Variants in RAB2A observed in about 807,000 individuals in gnomAD.
The protein encoded by RAB2A is ras-related protein Rab-2A.
In RAB2A, 7 loss-of-function variants were observed where a neutral mutation model predicts 32.5. The observed-to-expected ratio is 0.22, with a 90% confidence interval of 0.12 to 0.40. The LOEUF (loss-of-function observed/expected upper bound fraction) is 0.40, where lower values mean the gene tolerates loss of function less well. Ranked by LOEUF, RAB2A falls within the 10% of genes least tolerant of loss-of-function variation. The pLI, the probability that RAB2A is intolerant of heterozygous loss-of-function variation, is 1.00. For missense variants in RAB2A, 108 were observed against 260.7 expected, an observed-to-expected ratio of 0.41 and a Z score of 4.03; for synonymous variants, 79 against 85.2, an observed-to-expected ratio of 0.93 and a Z score of 0.40.
rs1328541490 is a variant in RAB2A at position 60,605,832 on chromosome 8, C to CATATATAT, written c.475-12741_475-12740insTATATATA. ...GGCTCATAGGCAAAAGGGACTAATA[C>CATATATAT]ATATATACATATATATATATAATGC... On this transcript the variant is annotated intron_variant, in intron 6 of 7. Coordinates refer to ENST00000262646, the MANE Select transcript of RAB2A (RefSeq NM_002865.3). Among the ~76,000 whole-genome samples the CATATATAT allele has an allele frequency of 5.0e-3, 603 of 120,792 alleles. 34 individuals carry two copies. In the South Asian group the frequency reaches 0.055, roughly 11 times the overall value. The allele number at this position is 120,792 out of a possible 152,430, so 79.2% of individuals were successfully genotyped here.
chr8:60,616,911 G>C (rs1365731391), intron 6 of RAB2A, among the ~76,000 whole-genome samples: 1 of 152,188 alleles, frequency 6.6e-6, no homozygotes, highest in Admixed American at 6.5e-5. Context: ...GGAAACAAAA[G>C]CTCTGATGGC....
At chr8:60,578,934 A>G (rs1803687623) in intron 3 of RAB2A, among the ~76,000 whole-genome samples, 1 of 152,270 alleles carries the variant, frequency 6.6e-6, no homozygotes, top group Non-Finnish European at 1.5e-5. Flanking sequence ...TGACTTTAAT[A>G]TTAAGCATCA....
intron 1 of RAB2A, 183 bp from the exon 2 acceptor site, chr8:60,558,669 G>C: frequency 1.6e-6 from 1 of 641,262 alleles, no homozygotes; most frequent in Non-Finnish European, 2.8e-6. Context: ...CTTTAGATTG[G>C]TTTACAGCTT....
intron 6 of RAB2A, among the ~76,000 whole-genome samples, chr8:60,611,883 T>G (rs1472142374): frequency 6.6e-6 from 1 of 152,236 alleles, no homozygotes; most frequent in Non-Finnish European, 1.5e-5. Context: ...TTTTTAAAAC[T>G]ATTAAGTTTA....
In RAB2A at chr8:60,519,078, A is replaced by G. The variant is rs113223963; in HGVS notation, c.46+1825A>G. The stretch of plus-strand genomic sequence containing the variant: ...CTTATCCAAAAGCAGTCCCCACGCA[A>G]TTCAAAGGGAAGACACTTCTTTCTT... On this transcript the variant is annotated intron_variant, in intron 1 of 7. Transcript: ENST00000262646. 2.5e-3 allele frequency among the ~76,000 whole-genome samples: 386 copies of G among 152,300 alleles called. 1 individual carries two copies. The highest frequency in any genetic ancestry group is 3.1e-3 in the Non-Finnish European group (212 of 68,030).
At chr8:60,517,391 T>C (rs1807223005) in intron 1 of RAB2A, 138 bp downstream of exon 1, 3 of 800,936 alleles carry the variant, frequency 3.7e-6, no homozygotes, top group Middle Eastern at 4.1e-4. Flanking sequence ...ATTTCCGCAG[T>C]GCTGGAGCTG....
chr8:60,541,950 TTAAA>T (rs1388589730), intron 1 of RAB2A, among the ~76,000 whole-genome samples: 1 of 152,194 alleles, frequency 6.6e-6, no homozygotes, highest in Non-Finnish European at 1.5e-5. Flanking sequence ...AACCAGACAG[TTAAA>T]TAAATTATTT....
At chr8:60,590,546 A>G (rs1363058638) in intron 5 of RAB2A, among the ~76,000 whole-genome samples, 1 of 146,362 alleles carries the variant, frequency 6.8e-6, no homozygotes, top group Non-Finnish European at 1.5e-5. Flanking sequence ...TATATATTTT[A>G]TATATATATG....
In RAB2A at chr8:60,558,345, G is replaced by A. The variant is rs772943705; in HGVS notation, c.47-507G>A. On this transcript the variant is annotated intron_variant, in intron 1 of 7. Transcript: ENST00000262646. ...GTAACGGGGTCAATTTTAATAGAGT[G>A]AAGGAATGCAATTCAGATTCCATTT... The A allele has an allele frequency of 9.0e-4, 412 of 459,620 alleles. 6 individuals carry two copies. The highest frequency in any genetic ancestry group is 6.2e-3 in the Middle Eastern group (19 of 3,072). The allele number at this position is 459,620 out of a possible 1,614,324, so 28.5% of individuals were successfully genotyped here. A position where few individuals can be genotyped will look rare whatever the true frequency, so the allele number is the denominator to read the frequency against.
chr8:60,544,926 G>A (rs1807704646), intron 1 of RAB2A, among the ~76,000 whole-genome samples: 2 of 151,394 alleles, frequency 1.3e-5, no homozygotes, highest in Non-Finnish European at 2.9e-5. Context: ...TGTATTTTTG[G>A]TAGAGACAGG....
chr8:60,518,999 G>A lies in RAB2A; in HGVS notation c.46+1746G>A, dbSNP rs113445820. 2.3e-3 allele frequency among the ~76,000 whole-genome samples: 352 copies of A among 152,272 alleles called. 2 individuals are homozygous for A. Among genetic ancestry groups the A allele is most frequent in the African/African-American group, 7.9e-3 (329 of 41,544 alleles). ...GGATAAATAAAGTATTGTGCATGGA[G>A]TAGTGGGGCTACAAATCCTAACAAG... On this transcript the variant is annotated intron_variant, in intron 1 of 7. Coordinates refer to ENST00000262646, the MANE Select transcript of RAB2A (RefSeq NM_002865.3).
At chr8:60,595,991 C>T (rs1283748189) in intron 6 of RAB2A, among the ~76,000 whole-genome samples, 1 of 152,162 alleles carries the variant, frequency 6.6e-6, no homozygotes, top group East Asian at 1.9e-4. Flanking sequence ...GTGAGCAAGT[C>T]TTGAATTACA....
chr8:60,599,893 G>A, intron 6 of RAB2A, among the ~76,000 whole-genome samples: 1 of 151,968 alleles, frequency 6.6e-6, no homozygotes, highest in Non-Finnish European at 1.5e-5. Context: ...ATTCATAAAA[G>A]GAAAAAGTGA....
At chr8:60,580,728 A>G (rs1397637383) in intron 3 of RAB2A, among the ~76,000 whole-genome samples, 1 of 152,216 alleles carries the variant, frequency 6.6e-6, no homozygotes, top group Non-Finnish European at 1.5e-5. Context: ...GTTCTTTGCA[A>G]AACAGTTCAG....
chr8:60,611,571 CT>C (rs1280252974), intron 6 of RAB2A, among the ~76,000 whole-genome samples: 2 of 152,158 alleles, frequency 1.3e-5, no homozygotes, highest in Non-Finnish European at 2.9e-5. Flanking sequence ...TCATATTTAT[CT>C]GAGTGTCCTC....
intron 1 of RAB2A, among the ~76,000 whole-genome samples, chr8:60,523,584 G>C (rs887028288): frequency 6.6e-6 from 1 of 151,736 alleles, no homozygotes; most frequent in Non-Finnish European, 1.5e-5. Flanking sequence ...GTATTATTTA[G>C]TTTTGCCCAT....
At chr8:60,610,805 C>T (rs1340961989) in intron 6 of RAB2A, among the ~76,000 whole-genome samples, 4 of 152,158 alleles carry the variant, frequency 2.6e-5, no homozygotes, top group African/African-American at 9.7e-5. Context: ...AAATGCATGT[C>T]ATATACTTAC....
chr8:60,576,608 T>A (rs540447056), intron 3 of RAB2A, among the ~76,000 whole-genome samples: 2 of 151,736 alleles, frequency 1.3e-5, no homozygotes, highest in East Asian at 1.9e-4. Flanking sequence ...ATCACAGGCA[T>A]TTTTTTTCTC....
chr8:60,612,429 A>G (rs766659024), intron 6 of RAB2A, among the ~76,000 whole-genome samples: 1 of 152,266 alleles, frequency 6.6e-6, no homozygotes, highest in African/African-American at 2.4e-5. Flanking sequence ...TGTAAATAAT[A>G]CAAATTTTAT....
Sources: gnomAD v4.1 joint callset for allele counts (sites outside exome capture counted in the v4.1 genomes callset) on GRCh38, gnomAD v4.1.1 for gene constraint, MANE v1.5 for transcripts, NCBI Gene and HGNC (gene_info 2026-07-23, HGNC 2026-07-21) for gene names.